The following ZP3 variants were observed in gnomAD, a reference collection of about 807,000 sequenced individuals.
ZP3 encodes the protein zona pellucida sperm-binding protein 3.
Under a neutral mutation model 35.6 loss-of-function variants are expected in ZP3, and 21 were observed. That is an observed-to-expected ratio of 0.59 (90% confidence interval 0.42 to 0.85). The LOEUF (loss-of-function observed/expected upper bound fraction) is 0.85. ZP3 is among the 40% of genes least tolerant of loss of function. The pLI, the probability that ZP3 is intolerant of heterozygous loss-of-function variation, is 0.00. For synonymous variants in ZP3, 207 were observed against 214.5 expected, an observed-to-expected ratio of 0.96 and a Z score of 0.31; for missense variants, 437 against 536.5, an observed-to-expected ratio of 0.81 and a Z score of 1.83.
chr7:76,428,285 C>T (rs560563120), intron 1 of ZP3, among the ~76,000 whole-genome samples: 2 of 152,186 alleles, frequency 1.3e-5, no homozygotes, highest in Admixed American at 1.3e-4. Flanking sequence ...CGTGCCACTG[C>T]ACTCCAGCCT....
At chr7:76,424,937 G>A (rs554996082), upstream of ZP3, 176 of 1,494,854 alleles carry the variant, frequency 1.2e-4, no homozygotes, top group African/African-American at 2.3e-3. Context: ...GATGGCCAGA[G>A]GCGGCTGCCT....
At chr7:76,405,339 CTTTTTTTTT>C (rs1193527373) in intron 1 of ZP3, among the ~76,000 whole-genome samples, 1 of 21,394 alleles carries the variant, frequency 4.7e-5, no homozygotes, top group African/African-American at 2.1e-4. Context: ...TTCTTTCTTT[CTTTTTTTTT>C]TTTTTTTTTT....
chr7:76,441,095 T>TG (rs1336761043), intron 7 of ZP3, among the ~76,000 whole-genome samples: 1 of 150,546 alleles, frequency 6.6e-6, no homozygotes, highest in Non-Finnish European at 1.5e-5. Context: ...CACTTGAATC[T>TG]GGGAGGCAGA....
At chr7:76,418,473 C>T (rs1805426241) in intron 1 of ZP3, among the ~76,000 whole-genome samples, 1 of 149,220 alleles carries the variant, frequency 6.7e-6, no homozygotes, top group African/African-American at 2.5e-5. Flanking sequence ...ATCGCTTGAA[C>T]CTGAAAGGCG....
At chr7:76,399,051 G>A (rs552519445) in intron 1 of ZP3, among the ~76,000 whole-genome samples, 102 of 152,062 alleles carry the variant, frequency 6.7e-4, no homozygotes, top group Middle Eastern at 3.4e-3. Context: ...TTGCTCTGTC[G>A]CTCAGGCTGG....
chr7:76,428,276 G>A (rs189603836), intron 1 of ZP3, among the ~76,000 whole-genome samples: 8 of 152,086 alleles, frequency 5.3e-5, no homozygotes, highest in South Asian at 4.2e-4. Flanking sequence ...AGCCGAGTTC[G>A]TGCCACTGCA....
upstream of ZP3, among the ~76,000 whole-genome samples, chr7:76,422,689 AAAAG>A (rs1563695183): frequency 1.4e-5 from 2 of 146,452 alleles, no homozygotes; most frequent in African/African-American, 5.1e-5. Flanking sequence ...AAAAAAAAAA[AAAAG>A]AAAGAAAAGA....
At chr7:76,425,650 C>A (rs1805629318) in intron 1 of ZP3, among the ~76,000 whole-genome samples, 1 of 152,080 alleles carries the variant, frequency 6.6e-6, no homozygotes, top group South Asian at 2.1e-4. Context: ...CTGAAGAGAC[C>A]CAAAGTATAC....
intron 2 of ZP3, among the ~76,000 whole-genome samples, chr7:76,431,269 G>A (rs1196584220): frequency 6.6e-6 from 1 of 152,168 alleles, no homozygotes; most frequent in East Asian, 1.9e-4. Flanking sequence ...TGCCCAGTCG[G>A]CATGAGGGAC....
intron 2 of ZP3, among the ~76,000 whole-genome samples, chr7:76,429,983 G>A (rs1805781147): frequency 6.6e-6 from 1 of 152,126 alleles, no homozygotes; most frequent in African/African-American, 2.4e-5. Context: ...AGCACTTTGG[G>A]AGGCTGACAG....
intron 1 of ZP3, among the ~76,000 whole-genome samples, chr7:76,416,136 A>G (rs1805364693): frequency 1.3e-5 from 2 of 151,262 alleles, no homozygotes; most frequent in Admixed American, 6.6e-5. Flanking sequence ...GTCTCAAAAA[A>G]AAAGAAAGCA....
At position 76,425,165 on chromosome 7, in the gene ZP3, G is replaced by A. The variant is rs369220809; in HGVS notation, c.201G>A (p.Arg67=). ...KDLFGTGKLI[R]AADLTLGPEA... is the part of the protein sequence containing the mutation. ...TTTTTGGCACCGGGAAGCTCATCAGGGCTGCTGACCTCACCTTGGGCCCAG... is the reference window on the plus strand; with the variant it reads ...TTTTTGGCACCGGGAAGCTCATCAGAGCTGCTGACCTCACCTTGGGCCCAG... Residue 67 remains arginine (R), a synonymous_variant, in exon 1 of 8, where the codon AGG becomes AGA. Coordinates refer to ENST00000394857, the MANE Select transcript of ZP3 (RefSeq NM_001110354.2). The A allele has an allele frequency of 2.2e-5, 35 of 1,613,874 alleles. No individual in the cohort carries two copies. Among genetic ancestry groups the A allele is most frequent in the Non-Finnish European group, 2.6e-5 (31 of 1,180,030 alleles).
intron 1 of ZP3, among the ~76,000 whole-genome samples, chr7:76,405,354 T>TC (rs1307650853): frequency 7.9e-5 from 9 of 113,852 alleles, no homozygotes; most frequent in South Asian, 6.2e-4. Context: ...TTTTTTTTTT[T>TC]TTTTTTTGGT....
chr7:76,412,947 TGTC>T (rs1805283955), intron 1 of ZP3, among the ~76,000 whole-genome samples: 1 of 145,654 alleles, frequency 6.9e-6, no homozygotes, highest in Non-Finnish European at 1.5e-5. Context: ...CTTTCTTCTT[TGTC>T]TTCTTCTTCT....
At chr7:76,423,868 AAAAG>A (rs1805579883), upstream of ZP3, among the ~76,000 whole-genome samples, 1 of 151,934 alleles carries the variant, frequency 6.6e-6, no homozygotes, top group African/African-American at 2.4e-5. Context: ...TCAAAAAAAA[AAAAG>A]AATGCCCTGG....
chr7:76,400,700 G>T (rs1353376907), intron 1 of ZP3: 27 of 1,230,542 alleles, frequency 2.2e-5, no homozygotes, highest in Admixed American at 1.5e-4. Context: ...TAGAGACGGG[G>T]TCTCACTATG....
chr7:76,432,073 T>C (rs1805845088), intron 2 of ZP3, among the ~76,000 whole-genome samples: 1 of 151,924 alleles, frequency 6.6e-6, no homozygotes, highest in Non-Finnish European at 1.5e-5. Flanking sequence ...CAGGCTGGAG[T>C]GCAGTGGGGT....
chr7:76,400,104 A>G (rs113977697), intron 1 of ZP3, among the ~76,000 whole-genome samples: 2,467 of 152,296 alleles, frequency 0.016, 34 homozygotes, highest in East Asian at 0.063. Flanking sequence ...AGGGTCAGGC[A>G]ATGACCCAGA....
At chr7:76,441,204 G>A (rs1806187272) in intron 7 of ZP3, among the ~76,000 whole-genome samples, 1 of 151,692 alleles carries the variant, frequency 6.6e-6, no homozygotes, top group African/African-American at 2.4e-5. Context: ...CAGAACAGTG[G>A]GTTGTGCCTA....
Sources: allele counts gnomAD v4.1 joint callset (sites outside exome capture counted in the v4.1 genomes callset), GRCh38; gene constraint gnomAD v4.1.1; transcripts MANE v1.5; gene names NCBI Gene and HGNC (gene_info 2026-07-23, HGNC 2026-07-21).